Variants in NRXN3 observed in about 807,000 individuals in gnomAD.
The protein encoded by NRXN3 is neurexin 3, also known as neurexin III.
In NRXN3, 32 loss-of-function variants were observed where a neutral mutation model predicts 137.6. That is an observed-to-expected ratio of 0.23 (90% CI 0.18 to 0.31). The LOEUF (loss-of-function observed/expected upper bound fraction) is 0.31. Ranked by LOEUF, NRXN3 falls within the 10% of genes least tolerant of loss-of-function variation. The pLI is 1.00. For synonymous variants in NRXN3, 798 were observed against 784.5 expected, an observed-to-expected ratio of 1.02 and a Z score of -0.29; for missense variants, 1,574 against 2,062.5, an observed-to-expected ratio of 0.76 and a Z score of 4.59.
chr14:79,613,587 G>A (rs1393744469), intron 16 of NRXN3, among the ~76,000 whole-genome samples: 2 of 152,230 alleles, frequency 1.3e-5, no homozygotes, highest in Non-Finnish European at 2.9e-5. Context: ...AATTGTACCA[G>A]TGATTAGGTG....
At chr14:78,750,006 C>T (rs1374927528) in intron 8 of NRXN3, among the ~76,000 whole-genome samples, 1 of 152,184 alleles carries the variant, frequency 6.6e-6, no homozygotes, top group Non-Finnish European at 1.5e-5. Context: ...CTCCAAAAGC[C>T]CTGGCTGACC....
intron 16 of NRXN3, among the ~76,000 whole-genome samples, chr14:79,481,537 T>C (rs2096608393): frequency 6.6e-6 from 1 of 152,218 alleles, no homozygotes; most frequent in African/African-American, 2.4e-5. Context: ...GCAATTGTAA[T>C]GCAGTGGTAT....
chr14:79,700,685 G>A (rs185279933), intron 19 of NRXN3, among the ~76,000 whole-genome samples: 16 of 152,138 alleles, frequency 1.1e-4, no homozygotes, highest in East Asian at 3.9e-4. Context: ...GCTTTTAACC[G>A]TGTGTGAATG....
At chr14:78,379,017 C>A (rs2088492731) in intron 4 of NRXN3, among the ~76,000 whole-genome samples, 1 of 142,542 alleles carries the variant, frequency 7.0e-6, no homozygotes, top group East Asian at 2.1e-4. Context: ...AGTTTGATAA[C>A]TTAGAAGAAA....
intron 10 of NRXN3, among the ~76,000 whole-genome samples, chr14:78,890,351 A>C (rs1274358965): frequency 6.6e-6 from 1 of 152,022 alleles, no homozygotes; most frequent in Non-Finnish European, 1.5e-5. Flanking sequence ...TTATGAAAAT[A>C]TCATTGCCTG....
intron 15 of NRXN3, among the ~76,000 whole-genome samples, chr14:79,284,610 C>T (rs2081947052): frequency 6.6e-6 from 1 of 151,848 alleles, no homozygotes; most frequent in African/African-American, 2.4e-5. Context: ...GCAGGAAGAA[C>T]TCTTGCTCAG....
At chr14:78,180,709 AG>A (rs1392558125) in intron 1 of NRXN3, among the ~76,000 whole-genome samples, 1 of 152,150 alleles carries the variant, frequency 6.6e-6, no homozygotes, top group East Asian at 1.9e-4. Context: ...TGGAGGTCTC[AG>A]GATGGACCCT....
intron 15 of NRXN3, among the ~76,000 whole-genome samples, chr14:79,383,476 T>C (rs922477453): frequency 6.6e-5 from 10 of 152,156 alleles, no homozygotes; most frequent in African/African-American, 2.4e-4. Context: ...TTTCTTTTCA[T>C]GTAAGAAACA....
chr14:79,626,970 G>A (rs1177963696), intron 16 of NRXN3, among the ~76,000 whole-genome samples: 2 of 152,112 alleles, frequency 1.3e-5, no homozygotes, highest in African/African-American at 2.4e-5. Flanking sequence ...GTAGCTTTCT[G>A]ATCAGAAATC....
At chr14:78,441,775 G>A (rs1008022714) in intron 4 of NRXN3, among the ~76,000 whole-genome samples, 1 of 152,106 alleles carries the variant, frequency 6.6e-6, no homozygotes, top group Non-Finnish European at 1.5e-5. Flanking sequence ...TAGCCAGACG[G>A]CCCTACATTT....
chr14:79,385,040 C>T (rs2094567591), intron 15 of NRXN3, among the ~76,000 whole-genome samples: 1 of 152,032 alleles, frequency 6.6e-6, no homozygotes, highest in Non-Finnish European at 1.5e-5. Flanking sequence ...ATTATGATAA[C>T]TAGATGATAA....
Position 78,645,244 on chromosome 14 carries a change from C to T in NRXN3, c.882C>T (p.Gly294=). The T allele has an allele frequency of 6.3e-7, 1 of 1,598,816 alleles. No individual in the cohort carries two copies. Among genetic ancestry groups the T allele is most frequent in the Non-Finnish European group, 8.5e-7 (1 of 1,179,806 alleles). Residue 294 remains glycine, a synonymous_variant, in exon 5 of 21, where the codon GGC becomes GGT. Transcript: ENST00000335750. ...TLSFKTWQRN[G]LILHTGKSAD... ...CCTTTAAGACCTGGCAGCGTAACGG[C>T]CTCATCCTGCACACGGGCAAGTCGG...
At chr14:78,630,545 T>G (rs1366830361) in intron 4 of NRXN3, among the ~76,000 whole-genome samples, 1 of 152,120 alleles carries the variant, frequency 6.6e-6, no homozygotes, top group Non-Finnish European at 1.5e-5. Flanking sequence ...GTGCATAAAT[T>G]TAGCTTTTAC....
At chr14:79,073,995 C>A (rs2099691854) in intron 15 of NRXN3, among the ~76,000 whole-genome samples, 1 of 152,190 alleles carries the variant, frequency 6.6e-6, no homozygotes, top group South Asian at 2.1e-4. Flanking sequence ...ATATGGTAGG[C>A]ACAATATACA....
At chr14:79,257,631 G>A (rs1597941104) in intron 15 of NRXN3, among the ~76,000 whole-genome samples, 3 of 145,514 alleles carry the variant, frequency 2.1e-5, no homozygotes, top group Admixed American at 1.4e-4. Flanking sequence ...GGTATTAGGA[G>A]GTGGATGCTG....
At chr14:78,916,227 C>T (rs945473979) in intron 10 of NRXN3, among the ~76,000 whole-genome samples, 2 of 152,034 alleles carry the variant, frequency 1.3e-5, no homozygotes, top group African/African-American at 4.8e-5. Context: ...CTGGGGAAAC[C>T]CAAACATATG....
intron 15 of NRXN3, among the ~76,000 whole-genome samples, chr14:79,407,142 A>G (rs1237187313): frequency 2.0e-5 from 3 of 152,130 alleles, no homozygotes; most frequent in Admixed American, 6.5e-5. Flanking sequence ...GAGTGAATTT[A>G]TAGGGAGATT....
chr14:79,690,305 G>A (rs913884621), intron 17 of NRXN3, among the ~76,000 whole-genome samples: 1 of 152,044 alleles, frequency 6.6e-6, no homozygotes, highest in Non-Finnish European at 1.5e-5. Flanking sequence ...ATCTACCAAG[G>A]TAGACCATTA....
At chr14:78,315,085 C>T (rs1428810425) in intron 4 of NRXN3, among the ~76,000 whole-genome samples, 2 of 151,180 alleles carry the variant, frequency 1.3e-5, no homozygotes, top group Non-Finnish European at 2.9e-5. Context: ...GATCTCAGCT[C>T]ACTGCAACCT....
Sources: allele counts gnomAD v4.1 joint callset (sites outside exome capture counted in the v4.1 genomes callset), GRCh38; gene constraint gnomAD v4.1.1; transcripts MANE v1.5; gene names NCBI Gene and HGNC (gene_info 2026-07-23, HGNC 2026-07-21).